SRL: variants seen among roughly 807,000 people sequenced by gnomAD.
SRL encodes the protein sarcalumenin.
A neutral mutation model predicts 39.5 loss-of-function variants in SRL; 23 were observed. The ratio of observed to expected loss-of-function variants is 0.58; its 90% CI spans 0.42 to 0.82. The LOEUF (loss-of-function observed/expected upper bound fraction) is 0.82, where lower values mean the gene tolerates loss of function less well. Ranked by LOEUF, SRL falls within the 40% of genes least tolerant of loss-of-function variation. SRL has a pLI of 0.00. For synonymous variants in SRL, 272 were observed against 237.4 expected, an observed-to-expected ratio of 1.15 and a Z score of -1.34; for missense variants, 592 against 607.8, an observed-to-expected ratio of 0.97 and a Z score of 0.27.
chr16:4,241,024 C>T (rs2052767261), intron 1 of SRL, among the ~76,000 whole-genome samples: 1 of 152,068 alleles, frequency 6.6e-6, no homozygotes, highest in African/African-American at 2.4e-5. Flanking sequence ...AGGGACTGTG[C>T]CCCTGCAACC....
rs13338585 is a variant in SRL at position 4,189,825 on chromosome 16, C to T, written c.*2328G>A. ...TGACAATGCCCACACAGTTGTGCAT[C>T]TTTTTTTGTTTTTCCCCTGACTACA... On this transcript the variant is annotated 3_prime_UTR_variant, in exon 6 of 6. Transcript: ENST00000399609. 0.14 allele frequency: 21,306 copies of T among 155,190 alleles called. 2,891 individuals carry two copies. The highest frequency in any genetic ancestry group is 0.34 in the African/African-American group (14,176 of 41,564). The allele number at this position is 155,190 out of a possible 1,614,324, so 9.6% of individuals were successfully genotyped here.
At position 4,219,724 on chromosome 16, in the gene SRL, G is replaced by A. The variant is rs181571010; in HGVS notation, c.62-15090C>T. On this transcript the variant is annotated intron_variant, in intron 1 of 5. Transcript: ENST00000399609. ...GATCCTCCCGCCTTGGCCTCCCAAA[G>A]TGCTGAGGTTACAGGTGTGAGCCAC... Among the ~76,000 whole-genome samples, 300 of 152,296 alleles carry A rather than the reference G, an allele frequency of 2.0e-3. 3 individuals carry two copies. The highest frequency in any genetic ancestry group is 0.017 in the Admixed American group (260 of 15,292).
At chr16:4,213,320 T>C (rs2052415683) in intron 1 of SRL, among the ~76,000 whole-genome samples, 1 of 151,710 alleles carries the variant, frequency 6.6e-6, no homozygotes, top group Non-Finnish European at 1.5e-5. Flanking sequence ...AATATTAGTA[T>C]CTGCCTTGAG....
intron 4 of SRL, among the ~76,000 whole-genome samples, chr16:4,196,921 A>T (rs1421494013): frequency 6.6e-6 from 1 of 152,148 alleles, no homozygotes; most frequent in South Asian, 2.1e-4. Context: ...TAATTTATGT[A>T]TGAACAGACC....
intron 3 of SRL, among the ~76,000 whole-genome samples, chr16:4,201,989 C>G (rs1013871612): frequency 1.3e-5 from 2 of 152,054 alleles, no homozygotes; most frequent in African/African-American, 4.8e-5. Context: ...TGGGGTCTGA[C>G]TATGTTTCCC....
chr16:4,194,319 C>T (rs1206425900), intron 5 of SRL, among the ~76,000 whole-genome samples: 1 of 152,208 alleles, frequency 6.6e-6, no homozygotes, highest in Non-Finnish European at 1.5e-5. Context: ...CTGCCCATCT[C>T]CCCTTCCCCC....
At chr16:4,235,038 G>C (rs780411620) in intron 1 of SRL, among the ~76,000 whole-genome samples, 110 of 152,182 alleles carry the variant, frequency 7.2e-4, no homozygotes, top group Non-Finnish European at 1.3e-3. Flanking sequence ...ATGAGCTGCA[G>C]CTCCCCCCAT....
intron 1 of SRL, among the ~76,000 whole-genome samples, chr16:4,205,393 G>T (rs2052305793): frequency 6.6e-6 from 1 of 152,130 alleles, no homozygotes; most frequent in Admixed American, 6.6e-5. Context: ...CCCAGCCTGG[G>T]CAAAAGAGGG....
At chr16:4,204,326 C>G (rs763593409) in intron 2 of SRL, among the ~76,000 whole-genome samples, 2 of 150,286 alleles carry the variant, frequency 1.3e-5, no homozygotes, top group South Asian at 2.1e-4. Context: ...AGGCTTGGAC[C>G]TTGCTCACAG....
At chr16:4,238,776 C>A (rs1368444889) in intron 1 of SRL, among the ~76,000 whole-genome samples, 1 of 151,140 alleles carries the variant, frequency 6.6e-6, no homozygotes, top group Non-Finnish European at 1.5e-5. Flanking sequence ...GCATGCACCC[C>A]TACACCGAGC....
chr16:4,195,571 G>A lies in SRL; in HGVS notation c.592C>T (p.Arg198Cys), dbSNP rs1054627779. Residue 198 changes from arginine (R) to cysteine (C), a missense_variant, in exon 5 of 6, where the codon CGC (arginine) becomes TGC (cysteine). Arg to Cys is a radical substitution (Grantham distance 180). Coordinates refer to ENST00000399609, the MANE Select transcript of SRL (RefSeq NM_001098814.2). Reference protein sequence around the residue: ...FVDTPGIIENRKQQERGYPFN... With the variant: ...FVDTPGIIENCKQQERGYPFN... ...AAATTACCTCTTTCTTGCTGCTTGC[G>A]GTTCTCGATGATGCCTGGTGTATCC... 5.6e-6 allele frequency: 9 copies of A among 1,614,010 alleles called. No individual in the cohort carries two copies. The highest frequency in any genetic ancestry group is 5.3e-5 in the African/African-American group (4 of 74,892).
At chr16:4,213,193 G>A (rs2052414444) in intron 1 of SRL, among the ~76,000 whole-genome samples, 1 of 152,026 alleles carries the variant, frequency 6.6e-6, no homozygotes, top group Non-Finnish European at 1.5e-5. Context: ...AGCAGAGACA[G>A]CCACCCACTT....
chr16:4,227,055 GA>G (rs1567188228), intron 1 of SRL, among the ~76,000 whole-genome samples: 5 of 109,490 alleles, frequency 4.6e-5, no homozygotes, highest in African/African-American at 1.6e-4. Context: ...TGGATGAATG[GA>G]TGGATGGATG....
chr16:4,219,503 G>T (rs1360556209), intron 1 of SRL, among the ~76,000 whole-genome samples: 1 of 152,190 alleles, frequency 6.6e-6, no homozygotes, highest in Non-Finnish European at 1.5e-5. Flanking sequence ...ACCCAGGCTG[G>T]AGTGCAGTAG....
chr16:4,240,684 T>G (rs754652417), intron 1 of SRL, among the ~76,000 whole-genome samples: 4 of 151,976 alleles, frequency 2.6e-5, no homozygotes, highest in African/African-American at 7.3e-5. Flanking sequence ...AGATAAAGGA[T>G]GTCCCTAAAA....
intron 1 of SRL, among the ~76,000 whole-genome samples, chr16:4,228,797 G>A (rs1422011209): frequency 6.6e-6 from 1 of 152,052 alleles, no homozygotes; most frequent in African/African-American, 2.4e-5. Context: ...CCCGGGGCTG[G>A]GGAAAGGTGG....
chr16:4,228,237 G>A (rs1005362878), intron 1 of SRL, among the ~76,000 whole-genome samples: 2 of 152,214 alleles, frequency 1.3e-5, no homozygotes, highest in Non-Finnish European at 2.9e-5. Context: ...AGGAGTTCAA[G>A]ATCAGCCTGG....
intron 1 of SRL, among the ~76,000 whole-genome samples, chr16:4,238,944 G>A (rs527679065): frequency 6.6e-6 from 1 of 152,274 alleles, no homozygotes; most frequent in South Asian, 2.1e-4. Flanking sequence ...CTTGAGGGAT[G>A]TGTTCATTAG....
intron 1 of SRL, among the ~76,000 whole-genome samples, chr16:4,212,023 C>T (rs968520027): frequency 3.9e-5 from 6 of 152,132 alleles, no homozygotes; most frequent in African/African-American, 1.4e-4. Flanking sequence ...CACACAGTCC[C>T]AAGGGGGATG....
Sources: allele counts gnomAD v4.1 joint callset (sites outside exome capture counted in the v4.1 genomes callset), GRCh38; gene constraint gnomAD v4.1.1; transcripts MANE v1.5; gene names NCBI Gene and HGNC (gene_info 2026-07-23, HGNC 2026-07-21).